Variants in CCDC88A observed in about 807,000 individuals in gnomAD.
CCDC88A encodes the protein girdin.
Under a neutral mutation model 234.3 loss-of-function variants are expected in CCDC88A, and 54 were observed. The observed-to-expected ratio is 0.23, with a 90% CI of 0.19 to 0.29. The LOEUF is 0.29. Ranked by LOEUF, CCDC88A falls within the 10% of genes least tolerant of loss-of-function variation. The probability of loss-of-function intolerance (pLI) is 1.00; values close to 1 mark genes in which losing one functional copy is unlikely to be tolerated. For missense variants in CCDC88A, 1,832 were observed against 2,123.4 expected (o/e 0.86, Z 2.70); for synonymous variants, 753 against 737.8 (o/e 1.02, Z -0.33).
chr2:55,385,777 C>A (rs367851684), intron 3 of CCDC88A, among the ~76,000 whole-genome samples: 8 of 126,090 alleles, frequency 6.3e-5, no homozygotes, highest in Admixed American at 1.1e-4. Flanking sequence ...CCCTTGAATC[C>A]GGGAGGCAGA....
Position 55,335,182 on chromosome 2 carries a change from T to C in CCDC88A, c.1657-18A>G, listed in dbSNP as rs755361014. 7 of 1,427,722 alleles carry C rather than the reference T, an allele frequency of 4.9e-6. No homozygotes were observed. The highest frequency in any genetic ancestry group is 6.5e-6 in the Non-Finnish European group (7 of 1,077,248). 88.4% of individuals were successfully genotyped at this position (1,427,722 alleles called of 1,614,324 possible). A position where few individuals can be genotyped will look rare whatever the true frequency, so the allele number is the denominator to read the frequency against. On this transcript the variant is annotated intron_variant, in intron 14 of 32. Coordinates refer to ENST00000436346, the MANE Select transcript of CCDC88A (RefSeq NM_001365480.1). The surrounding 1 kb of genome is among the most constrained non-coding windows in gnomAD (Gnocchi z 4.5). Reference sequence around the variant, plus strand: ...ATCTTAATCTAATTTGAAAAGAAAATAATTAAAAGCTGTAATTGAGGAAAA... The same window carrying C: ...ATCTTAATCTAATTTGAAAAGAAAACAATTAAAAGCTGTAATTGAGGAAAA...
At chr2:55,330,991 T>G (rs1166485039) in intron 16 of CCDC88A, among the ~76,000 whole-genome samples, 1 of 152,210 alleles carries the variant, frequency 6.6e-6, no homozygotes, top group Admixed American at 6.5e-5. Flanking sequence ...TGCTAGATGA[T>G]CAGCAGATAA....
In CCDC88A at chr2:55,343,703, T is replaced by A; in HGVS notation, c.1278A>T (p.Ser426=). The change falls in exon 12 of 33, where the codon TCA becomes TCT. Residue 426 remains serine (S), a synonymous_variant. Coordinates refer to ENST00000436346, the MANE Select transcript of CCDC88A (RefSeq NM_001365480.1). ...GTTCCAGTTCCCAGCCAAGATGTAA[T>A]GATTCATCCATACTTTGTTTCTGTG... The part of the protein sequence containing the change: ...EMAQKQSMDE[S]LHLGWELEQI... 1 of 1,612,252 alleles carries A rather than the reference T, an allele frequency of 6.2e-7. No homozygotes were observed. The highest frequency in any genetic ancestry group is 2.2e-5 in the East Asian group (1 of 44,746).
chr2:55,372,344 G>A, intron 5 of CCDC88A, 108 bp downstream of exon 5: 2 of 559,388 alleles, frequency 3.6e-6, no homozygotes, highest in Non-Finnish European at 3.2e-6. Context: ...TTCTAACATG[G>A]ACTTTGAAAA....
At chr2:55,354,452 T>C (rs1670299394) in intron 8 of CCDC88A, among the ~76,000 whole-genome samples, 1 of 152,236 alleles carries the variant, frequency 6.6e-6, no homozygotes, top group East Asian at 1.9e-4. Flanking sequence ...TAATAAACTT[T>C]AAAATTTTTA....
At chr2:55,349,482 T>C (rs1456210874) in intron 9 of CCDC88A, 36 bp downstream of exon 9, 1 of 1,375,070 alleles carries the variant, frequency 7.3e-7, no homozygotes, top group South Asian at 1.2e-5. Flanking sequence ...TCCAATTACT[T>C]GGTGGTCCTA....
Position 55,309,779 on chromosome 2 carries a change from A to G in CCDC88A, c.4080-525T>C, listed in dbSNP as rs1682096161. On this transcript the variant is annotated intron_variant, in intron 23 of 32. Transcript: ENST00000436346. This position sits in a 1 kb window ranked among gnomAD's most constrained non-coding sequence, Gnocchi z 5.1. ...CCAAAGAATACTATTTACTTCAGAA[A>G]CATTAGTGATCATTTACAATGAGGA... 6.6e-6 allele frequency among the ~76,000 whole-genome samples: 1 copy of G among 152,214 alleles called. No individual in the cohort carries two copies. Among genetic ancestry groups the G allele is most frequent in the East Asian group, 1.9e-4 (1 of 5,206 alleles).
intron 3 of CCDC88A, among the ~76,000 whole-genome samples, chr2:55,384,648 T>TAC (rs1675282028): frequency 6.3e-5 from 2 of 31,736 alleles, no homozygotes; most frequent in East Asian, 4.1e-4. Flanking sequence ...TGTGTATATA[T>TAC]ACATATATAT....
intron 17 of CCDC88A, chr2:55,324,071 T>C (rs1441754653): frequency 1.3e-5 from 2 of 152,256 alleles, no homozygotes; most frequent in Admixed American, 6.5e-5. Context: ...ATGATTACTT[T>C]ATGTATCATT....
At chr2:55,417,934 G>C (rs1412371998) in intron 2 of CCDC88A, 2 of 135,814 alleles carry the variant, frequency 1.5e-5, no homozygotes, top group Non-Finnish European at 3.2e-5. Flanking sequence ...ATAAGACTAA[G>C]TATACATTAC....
At chr2:55,393,586 G>A (rs1210573304) in intron 2 of CCDC88A, among the ~76,000 whole-genome samples, 1 of 151,926 alleles carries the variant, frequency 6.6e-6, no homozygotes, top group African/African-American at 2.4e-5. Context: ...GAGCCACGAT[G>A]CCCAGCCAAA....
intron 2 of CCDC88A, among the ~76,000 whole-genome samples, chr2:55,416,463 T>A (rs1316230019): frequency 1.1e-5 from 1 of 90,806 alleles, no homozygotes; most frequent in African/African-American, 6.0e-5. Flanking sequence ...TATATATATA[T>A]ATATATATAT....
At chr2:55,352,436 A>C (rs1558724349) in intron 8 of CCDC88A, among the ~76,000 whole-genome samples, 2 of 142,544 alleles carry the variant, frequency 1.4e-5, no homozygotes, top group African/African-American at 5.4e-5. Flanking sequence ...CAAAAAAAAA[A>C]CACACAAAAA....
chr2:55,388,190 TTC>T (rs765912200), intron 3 of CCDC88A, among the ~76,000 whole-genome samples: 2 of 152,172 alleles, frequency 1.3e-5, no homozygotes, highest in Non-Finnish European at 2.9e-5. Context: ...ACAAACCACA[TTC>T]TTTGACCAAA....
chr2:55,370,301 CCTTTG>C (rs1672625862), intron 5 of CCDC88A, among the ~76,000 whole-genome samples: 2 of 152,142 alleles, frequency 1.3e-5, no homozygotes, highest in South Asian at 4.2e-4. Flanking sequence ...TCTCCTTGAG[CCTTTG>C]CTTTGTTTTC....
At chr2:55,379,645 G>A (rs1674251453) in intron 3 of CCDC88A, among the ~76,000 whole-genome samples, 1 of 152,114 alleles carries the variant, frequency 6.6e-6, no homozygotes, top group African/African-American at 2.4e-5. Context: ...TAAAGCAGAG[G>A]GGCTGGGCAC....
chr2:55,314,303 G>T (rs1682705469), intron 22 of CCDC88A: 1 of 152,262 alleles, frequency 6.6e-6, no homozygotes, highest in South Asian at 2.1e-4. Context: ...TAGGCAAAAA[G>T]AAATGTTTAC....
At chr2:55,342,614 A>G (rs760141268) in intron 12 of CCDC88A, among the ~76,000 whole-genome samples, 1 of 152,188 alleles carries the variant, frequency 6.6e-6, no homozygotes, top group Non-Finnish European at 1.5e-5. Flanking sequence ...AAGTTTCACA[A>G]ATATCTCAAG....
chr2:55,401,998 T>C (rs2104946957), intron 2 of CCDC88A, among the ~76,000 whole-genome samples: 1 of 45,780 alleles, frequency 2.2e-5, no homozygotes, highest in East Asian at 3.7e-4. Context: ...ACCCACCCTT[T>C]ATTTCTTTTA....
Sources: gnomAD v4.1 joint callset for allele counts (sites outside exome capture counted in the v4.1 genomes callset) on GRCh38, gnomAD v4.1.1 for gene constraint, Gnocchi (gnomAD v3.1) non-coding constraint, MANE v1.5 for transcripts, NCBI Gene and HGNC (gene_info 2026-07-23, HGNC 2026-07-21) for gene names.